The following TBC1D8 variants were observed in gnomAD, a reference collection of about 807,000 sequenced individuals.
The protein encoded by TBC1D8 is TBC1 domain family member 8.
A neutral mutation model predicts 118.8 loss-of-function variants in TBC1D8; 65 were observed. The observed-to-expected ratio is 0.55, with a 90% CI of 0.45 to 0.67. TBC1D8 has a LOEUF of 0.67. Among genes scored for constraint, TBC1D8 ranks in the 30% least tolerant of loss-of-function variants. TBC1D8 has a pLI of 0.00. For synonymous variants in TBC1D8, 566 were observed against 595.8 expected (o/e 0.95, Z 0.73); for missense variants, 1,376 against 1,471.2 (o/e 0.94, Z 1.06).
intron 1 of TBC1D8, among the ~76,000 whole-genome samples, chr2:101,106,971 G>A (rs1444307911): frequency 6.6e-6 from 1 of 152,236 alleles, no homozygotes; most frequent in Non-Finnish European, 1.5e-5. Flanking sequence ...AAGCTATAAT[G>A]TTTGGAGGGT....
intron 9 of TBC1D8, among the ~76,000 whole-genome samples, chr2:101,035,428 G>C (rs1680946471): frequency 6.6e-6 from 1 of 152,214 alleles, no homozygotes; most frequent in Non-Finnish European, 1.5e-5. Flanking sequence ...ATGTCCTGAT[G>C]AGGGTTCCCA....
chr2:101,054,203 G>A lies in TBC1D8; in HGVS notation c.536C>T (p.Ser179Phe), dbSNP rs761657631. 1 of 1,612,988 alleles carries A rather than the reference G, an allele frequency of 6.2e-7. No homozygotes were observed. Among genetic ancestry groups the A allele is most frequent in the East Asian group, 2.2e-5 (1 of 44,860 alleles). Residue 179 changes from serine to phenylalanine, a missense_variant, in exon 4 of 20, where the codon TCC becomes TTC. Ser to Phe is a radical substitution (Grantham distance 155). Coordinates refer to ENST00000409318, the MANE Select transcript of TBC1D8 (RefSeq NM_001330348.2). ...CACCCTGCCCTTCCAACAGCAGCAG[G>A]AGTAGTAGGTGACCAGCTTCTCCGC... ...PEAEKLVTYY[S>F]CCCWKGRVPR...
chr2:101,108,897 C>A (rs549200519), intron 1 of TBC1D8, among the ~76,000 whole-genome samples: 2 of 152,268 alleles, frequency 1.3e-5, no homozygotes, highest in Non-Finnish European at 2.9e-5. Flanking sequence ...TTAATTGTAA[C>A]AAATAGGCCA....
At chr2:101,077,559 T>C (rs974824126) in intron 2 of TBC1D8, among the ~76,000 whole-genome samples, 2 of 152,124 alleles carry the variant, frequency 1.3e-5, no homozygotes, top group Non-Finnish European at 2.9e-5. Flanking sequence ...TGCTACATCC[T>C]TTTAAACAAC....
In TBC1D8 at chr2:101,011,523, G is replaced by T; in HGVS notation, c.2845C>A (p.Arg949=). Residue 949 remains arginine, a synonymous_variant, in exon 18 of 20, where the codon CGA becomes AGA. Transcript: ENST00000409318. The part of the protein sequence containing the change: ...HIPPALTEND[R]DSQSPLRNPL... ...TTCCTCAACGGCGACTGGCTGTCTC[G>T]GTCATTTTCAGTGAGTGCTTAAAAA... 1 of 1,613,834 alleles carries T rather than the reference G, an allele frequency of 6.2e-7. No homozygotes were observed. Among genetic ancestry groups the T allele is most frequent in the Non-Finnish European group, 8.5e-7 (1 of 1,179,850 alleles).
chr2:101,121,206 T>C (rs1678085331), intron 1 of TBC1D8, among the ~76,000 whole-genome samples: 1 of 152,176 alleles, frequency 6.6e-6, no homozygotes, highest in African/African-American at 2.4e-5. Context: ...TTGACAAAAA[T>C]ATAAAGTAAT....
At chr2:101,113,294 A>T (rs1408591320) in intron 1 of TBC1D8, among the ~76,000 whole-genome samples, 2 of 152,208 alleles carry the variant, frequency 1.3e-5, no homozygotes, top group African/African-American at 2.4e-5. Context: ...GCCACTCAGC[A>T]ATAACTAATT....
chr2:101,149,408 C>A (rs1679453451), intron 1 of TBC1D8, among the ~76,000 whole-genome samples: 1 of 152,158 alleles, frequency 6.6e-6, no homozygotes, highest in Non-Finnish European at 1.5e-5. Flanking sequence ...AACCATCTCA[C>A]CCACTAACTA....
At chr2:101,135,911 T>G (rs559562644) in intron 1 of TBC1D8, among the ~76,000 whole-genome samples, 2 of 152,304 alleles carry the variant, frequency 1.3e-5, no homozygotes, top group South Asian at 4.2e-4. Flanking sequence ...GAGAAGGATC[T>G]TACTGTCACC....
chr2:101,104,528 A>G (rs184515887), intron 1 of TBC1D8, among the ~76,000 whole-genome samples: 2 of 152,348 alleles, frequency 1.3e-5, no homozygotes, highest in Admixed American at 1.3e-4. Context: ...GTAAGTCAAT[A>G]CTTAGTAAAT....
At position 101,130,554 on chromosome 2, in the gene TBC1D8, T is replaced by C. The variant is rs551340745; in HGVS notation, c.127+20573A>G. Among the ~76,000 whole-genome samples the C allele has an allele frequency of 1.4e-4, 21 of 152,302 alleles. No homozygotes were observed. In the East Asian group the frequency reaches 3.9e-3, roughly 28 times the overall value. On this transcript the variant is annotated intron_variant, in intron 1 of 19. Transcript: ENST00000409318. ...AGGCCCTAACCCCCTTGACTAGATATTTCCATTTTCAAGGGCAAGAGCTAC... is the reference window on the plus strand; with the variant it reads ...AGGCCCTAACCCCCTTGACTAGATACTTCCATTTTCAAGGGCAAGAGCTAC...
chr2:101,075,648 G>C (rs1297474964), intron 2 of TBC1D8, among the ~76,000 whole-genome samples: 1 of 152,104 alleles, frequency 6.6e-6, no homozygotes, highest in Non-Finnish European at 1.5e-5. Flanking sequence ...TGTGAAGAAA[G>C]TGCCTTGCTT....
chr2:101,100,481 T>C (rs1409266675), intron 1 of TBC1D8, among the ~76,000 whole-genome samples: 6 of 152,116 alleles, frequency 3.9e-5, no homozygotes, highest in South Asian at 2.1e-4. Flanking sequence ...CAAACTACCA[T>C]TGACATTCTT....
At chr2:101,053,684 T>C (rs765455843) in intron 4 of TBC1D8, among the ~76,000 whole-genome samples, 5 of 152,186 alleles carry the variant, frequency 3.3e-5, no homozygotes, top group Admixed American at 6.5e-5. Context: ...TAGTGAAGAA[T>C]TCCCCTTCTG....
At chr2:101,078,243 T>A (rs946022215) in intron 2 of TBC1D8, among the ~76,000 whole-genome samples, 23 of 152,270 alleles carry the variant, frequency 1.5e-4, no homozygotes, top group African/African-American at 5.5e-4. Context: ...GCAATTCCCA[T>A]CTTGAGAAAT....
intron 1 of TBC1D8, among the ~76,000 whole-genome samples, chr2:101,113,521 A>T (rs1463882554): frequency 3.3e-5 from 5 of 152,206 alleles, no homozygotes; most frequent in Non-Finnish European, 7.3e-5. Context: ...ATGATGCACA[A>T]ATCAGTTTCC....
intron 12 of TBC1D8, among the ~76,000 whole-genome samples, chr2:101,028,803 C>T (rs1323039309): frequency 6.6e-6 from 1 of 152,212 alleles, no homozygotes; most frequent in Admixed American, 6.5e-5. Flanking sequence ...GGCCTTTTCC[C>T]TCACTGCTGC....
chr2:101,075,209 C>T (rs1488073582), intron 2 of TBC1D8, among the ~76,000 whole-genome samples: 4 of 152,040 alleles, frequency 2.6e-5, no homozygotes, highest in Non-Finnish European at 5.9e-5. Flanking sequence ...CCAGCCTGGC[C>T]AACAGGGTGA....
At position 101,038,595 on chromosome 2, in the gene TBC1D8, TACTG is replaced by T; in HGVS notation, c.1137_1140del (p.Ile381GlufsTer25). On this transcript the variant is annotated frameshift_variant, in exon 7 of 20. Coordinates refer to ENST00000409318, the MANE Select transcript of TBC1D8 (RefSeq NM_001330348.2). LOFTEE classifies it high-confidence loss of function. The stretch of plus-strand genomic sequence containing the variant: ...AACTGGAAGGCCACCTTGCTTCTGA[TACTG>T]ACAATGATGGGATGCGGCAGCAGGC... The T allele has an allele frequency of 6.2e-7, 1 of 1,613,940 alleles. No homozygotes were observed. The highest frequency in any genetic ancestry group is 8.5e-7 in the Non-Finnish European group (1 of 1,179,902).
Sources: allele counts gnomAD v4.1 joint callset (sites outside exome capture counted in the v4.1 genomes callset), GRCh38; gene constraint gnomAD v4.1.1; transcripts MANE v1.5; gene names NCBI Gene and HGNC (gene_info 2026-07-23, HGNC 2026-07-21).